Variants in KDM2A observed in about 807,000 individuals in gnomAD.
KDM2A encodes the protein lysine-specific demethylase 2A.
In KDM2A, 3 loss-of-function variants were observed where a neutral mutation model predicts 137.3. That is an observed-to-expected ratio of 0.02 (90% CI 0.01 to 0.06). KDM2A has a LOEUF of 0.06. Among genes scored for constraint, KDM2A ranks in the 10% least tolerant of loss-of-function variants. KDM2A has a pLI of 1.00. For synonymous variants in KDM2A, 512 were observed against 541.5 expected (o/e 0.95, Z 0.76); for missense variants, 738 against 1,510.6 (o/e 0.49, Z 8.48).
intron 2 of KDM2A, among the ~76,000 whole-genome samples, chr11:67,153,868 A>G (rs1856455525): frequency 6.6e-6 from 1 of 151,892 alleles, no homozygotes; most frequent in Admixed American, 6.6e-5. Flanking sequence ...TTGCACTGAT[A>G]ATCCCCTTTT....
chr11:67,217,321 C>T (rs1225758612), intron 8 of KDM2A, among the ~76,000 whole-genome samples: 46 of 151,706 alleles, frequency 3.0e-4, no homozygotes, highest in Non-Finnish European at 1.5e-5. Flanking sequence ...TGCTTCAGAT[C>T]CCTTTAAGCC....
At chr11:67,205,210 AGTG>A (rs1003304456) in intron 5 of KDM2A, among the ~76,000 whole-genome samples, 4 of 152,174 alleles carry the variant, frequency 2.6e-5, no homozygotes, top group African/African-American at 9.7e-5. Flanking sequence ...GTGGGTGTGA[AGTG>A]GTATTTCTTG....
In KDM2A at chr11:67,250,453, A is replaced by G. The variant is rs769376129; in HGVS notation, c.2423A>G (p.Lys808Arg). 1.2e-5 allele frequency: 19 copies of G among 1,613,878 alleles called. No individual in the cohort carries two copies. Among genetic ancestry groups the G allele is most frequent in the African/African-American group, 6.7e-5 (5 of 74,908 alleles). The change falls in exon 17 of 21, where the codon AAA becomes AGA. Residue 808 changes from lysine to arginine, a missense_variant. Around this residue, in one of 9 missense-constraint regions of KDM2A, gnomAD observed 244 missense variants for 324.6 expected, o/e 0.75. Coordinates refer to ENST00000529006, the MANE Select transcript of KDM2A (RefSeq NM_012308.3). This position sits in a 1 kb window ranked among gnomAD's most constrained non-coding sequence, Gnocchi z 7.1. Reference protein sequence around the residue: ...YLTVTLQRPTKELHGTSIVPK... With the variant: ...YLTVTLQRPTRELHGTSIVPK... ...ACTGTCACGCTACAGAGGCCCACCA[A>G]AGAGCTCCACGGGACATCCATTGTG...
At chr11:67,126,510 C>A (rs1420605493) in intron 2 of KDM2A, among the ~76,000 whole-genome samples, 3 of 151,848 alleles carry the variant, frequency 2.0e-5, no homozygotes, top group Non-Finnish European at 2.9e-5. Flanking sequence ...CAGTTTGAGA[C>A]CAGCCTGACC....
At chr11:67,200,363 C>T (rs1250864377) in intron 5 of KDM2A, among the ~76,000 whole-genome samples, 3 of 152,040 alleles carry the variant, frequency 2.0e-5, no homozygotes, top group Non-Finnish European at 4.4e-5. Context: ...CTACAGGCGT[C>T]CGCCACCACG....
chr11:67,245,572 C>A lies in KDM2A; in HGVS notation c.1833+114C>A. ...CAGAGTTGGAAAGAAAAGGTTTATA[C>A]TCTCTTTTTGGCTTTATTTTGTACC... is the stretch of plus-strand genomic sequence containing the variant. On this transcript the variant is annotated intron_variant, in intron 14 of 20. Coordinates refer to ENST00000529006, the MANE Select transcript of KDM2A (RefSeq NM_012308.3). This position sits in a 1 kb window ranked among gnomAD's most constrained non-coding sequence, Gnocchi z 4.1. 1 of 1,199,262 alleles carries A rather than the reference C, an allele frequency of 8.3e-7. No homozygotes were observed. Among genetic ancestry groups the A allele is most frequent in the Non-Finnish European group, 1.2e-6 (1 of 862,578 alleles). The allele number at this position is 1,199,262 out of a possible 1,614,324, so 74.3% of individuals were successfully genotyped here. A position where few individuals can be genotyped will look rare whatever the true frequency, so the allele number is the denominator to read the frequency against.
At chr11:67,120,828 G>A (rs1855582758) in intron 1 of KDM2A, among the ~76,000 whole-genome samples, 1 of 152,032 alleles carries the variant, frequency 6.6e-6, no homozygotes, top group Non-Finnish European at 1.5e-5. Flanking sequence ...TCTGATTACC[G>A]GTGAGAGAGA....
chr11:67,200,863 C>T (rs1387963994), intron 5 of KDM2A, among the ~76,000 whole-genome samples: 1 of 151,962 alleles, frequency 6.6e-6, no homozygotes, highest in Non-Finnish European at 1.5e-5. Flanking sequence ...GCCCATGGAT[C>T]AAGGAGTAAT....
At chr11:67,132,271 C>T (rs76001637) in intron 2 of KDM2A, among the ~76,000 whole-genome samples, 2 of 152,166 alleles carry the variant, frequency 1.3e-5, no homozygotes, top group Admixed American at 6.6e-5. Flanking sequence ...ATGGACATAG[C>T]CATTAGAAGT....
rs939450681 is a variant in KDM2A, at chr11:67,245,765, A to G, written c.1834-220A>G. The G allele has an allele frequency of 2.0e-5, 12 of 613,132 alleles. No homozygotes were observed. Among genetic ancestry groups the G allele is most frequent in the African/African-American group, 1.1e-4 (6 of 54,128 alleles). 38.0% of individuals were successfully genotyped at this position (613,132 alleles called of 1,614,324 possible). ...GACCGGGGAGGCCAAGTATAGGCCA[A>G]CTGAAAATAAACTAGTCTCTGGTGC... On this transcript the variant is annotated intron_variant, in intron 14 of 20. Coordinates refer to ENST00000529006, the MANE Select transcript of KDM2A (RefSeq NM_012308.3). The surrounding 1 kb of genome is among the most constrained non-coding windows in gnomAD (Gnocchi z 4.1).
Position 67,207,490 on chromosome 11 carries a change from C to A in KDM2A, c.308-20C>A. The A allele has an allele frequency of 6.4e-7, 1 of 1,562,528 alleles. No individual in the cohort carries two copies. On this transcript the variant is annotated intron_variant, in intron 5 of 20. Coordinates refer to ENST00000529006, the MANE Select transcript of KDM2A (RefSeq NM_012308.3). ...ATATTAGTGGCTCGATAGAGATGATCGATGCATCTTTTATGGCAGGGAGTC... is the reference window on the plus strand; with the variant it reads ...ATATTAGTGGCTCGATAGAGATGATAGATGCATCTTTTATGGCAGGGAGTC...
chr11:67,189,611 C>T (rs11501507), intron 5 of KDM2A, among the ~76,000 whole-genome samples: 13,190 of 151,894 alleles, frequency 0.087, 1,919 homozygotes, highest in African/African-American at 0.3. Flanking sequence ...AGGCTGAGGC[C>T]GGTGGATCAC....
intron 2 of KDM2A, among the ~76,000 whole-genome samples, chr11:67,168,113 G>A (rs1027250844): frequency 6.6e-6 from 1 of 151,992 alleles, no homozygotes; most frequent in Admixed American, 6.6e-5. Flanking sequence ...TTTTATTTTA[G>A]AAGAAAGTTT....
At chr11:67,212,268 G>C (rs1486091802) in intron 6 of KDM2A, among the ~76,000 whole-genome samples, 1 of 152,162 alleles carries the variant, frequency 6.6e-6, no homozygotes, top group African/African-American at 2.4e-5. Flanking sequence ...AAATAATGAA[G>C]CAAGGAGAGG....
At chr11:67,220,050 G>C (rs1490558278) in intron 10 of KDM2A, among the ~76,000 whole-genome samples, 2 of 151,258 alleles carry the variant, frequency 1.3e-5, no homozygotes, top group Non-Finnish European at 2.9e-5. Context: ...TCACTCTGTT[G>C]CCCAGGCTGG....
intron 2 of KDM2A, among the ~76,000 whole-genome samples, chr11:67,153,523 C>G (rs1055308067): frequency 8.5e-5 from 13 of 152,098 alleles, no homozygotes; most frequent in African/African-American, 3.1e-4. Context: ...TGAAAAAGCT[C>G]AAACACAGAA....
chr11:67,194,057 C>T (rs11604248), intron 5 of KDM2A, among the ~76,000 whole-genome samples: 2,565 of 152,284 alleles, frequency 0.017, 26 homozygotes, highest in Non-Finnish European at 0.026. Context: ...AATTTAATCT[C>T]ATTTCTTTGA....
In KDM2A at chr11:67,140,398, T is replaced by C. The variant is rs181443844; in HGVS notation, c.42+19040T>C. ...AAATATCATGGTTTTATACAAAGAA[T>C]ATAGGTCGGAAGACCACCCTGAGCA... On this transcript the variant is annotated intron_variant, in intron 2 of 20. Transcript: ENST00000529006. Among the ~76,000 whole-genome samples, 3 of 151,716 alleles carry C rather than the reference T, an allele frequency of 2.0e-5. No homozygotes were observed. In the East Asian group the frequency reaches 5.8e-4, roughly 29 times the overall value.
At chr11:67,145,682 A>G (rs370826179) in intron 2 of KDM2A, among the ~76,000 whole-genome samples, 7 of 152,058 alleles carry the variant, frequency 4.6e-5, no homozygotes, top group African/African-American at 1.4e-4. Flanking sequence ...CCATTATACC[A>G]TATTCTCCCT....
Sources: gnomAD v4.1 joint callset for allele counts (sites outside exome capture counted in the v4.1 genomes callset) on GRCh38, gnomAD v4.1.1 for gene constraint, gnomAD v4.1.1 regional missense constraint, Gnocchi (gnomAD v3.1) non-coding constraint, MANE v1.5 for transcripts, NCBI Gene and HGNC (gene_info 2026-07-23, HGNC 2026-07-21) for gene names.